CIAO3: variants seen among roughly 807,000 people sequenced by gnomAD.
CIAO3 encodes the protein LET1 like/JFP15.
In CIAO3, 45 loss-of-function variants were observed where a neutral mutation model predicts 51.5. That is an observed-to-expected ratio of 0.87 (90% CI 0.69 to 1.12). The LOEUF is 1.12. CIAO3 is among the 50% of genes most tolerant of loss of function. The probability of loss-of-function intolerance (pLI) is 0.00; values close to 1 mark genes in which losing one functional copy is unlikely to be tolerated. For synonymous variants in CIAO3, 314 were observed against 269.3 expected (o/e 1.17, Z -1.63); for missense variants, 668 against 632.5 (o/e 1.06, Z -0.60).
rs577357824 is a variant in CIAO3, at chr16:736,151, C to T, written c.439+115G>A. On this transcript the variant is annotated intron_variant, in intron 4 of 10. Transcript: ENST00000251588. ...CACAGAGGGAATAAAGTTTCTGTAG[C>T]GCTGAAGTTCAGGGCTGGGTAGCGT... The T allele has an allele frequency of 2.3e-5, 31 of 1,337,942 alleles. No individual in the cohort carries two copies. The Admixed American group carries it at 2.9e-4, about 12-fold the overall frequency. 82.9% of individuals were successfully genotyped at this position (1,337,942 alleles called of 1,614,324 possible). A position where few individuals can be genotyped will look rare whatever the true frequency, so the allele number is the denominator to read the frequency against.
chr16:737,262 C>G lies in CIAO3; in HGVS notation c.230G>C (p.Cys77Ser). ...SLNDCLACSG[C>S]ITSAETVLIT... ...AAGCACGGTCTCTGCGGAGGTGATG[C>G]AGCCGCTGCACGCCAGGCAGTCGTT... Residue 77 changes from cysteine (C) to serine (S), a missense_variant, in exon 3 of 11, where the codon TGC becomes TCC. Cys to Ser is a moderately radical substitution (Grantham distance 112, BLOSUM62 -1). Transcript: ENST00000251588. The surrounding 1 kb of genome is among the most constrained non-coding windows in gnomAD (Gnocchi z 5.3). 6.2e-7 allele frequency: 1 copy of G among 1,613,516 alleles called. No individual in the cohort carries two copies. The highest frequency in any genetic ancestry group is 8.5e-7 in the Non-Finnish European group (1 of 1,180,022).
At chr16:732,744 C>G (rs1022730540) in intron 7 of CIAO3, 1 of 355,192 alleles carries the variant, frequency 2.8e-6, no homozygotes, top group Non-Finnish European at 5.5e-6. Flanking sequence ...TCAAGTGACT[C>G]TCCTGCCTCA....
chr16:736,368 C>T lies in CIAO3; in HGVS notation c.337G>A (p.Val113Ile). The T allele has an allele frequency of 6.2e-7, 1 of 1,613,030 alleles. No homozygotes were observed. The highest frequency in any genetic ancestry group is 8.5e-7 in the Non-Finnish European group (1 of 1,179,820). The change falls in exon 4 of 11, where the codon GTA (valine) becomes ATA (isoleucine). Residue 113 changes from valine (V) to isoleucine (I), a missense_variant. Val to Ile is a conservative substitution (Grantham distance 29). Transcript: ENST00000251588. ...CTAGACTGTGGTGAGACCGAAACTA[C>T]AACCAGCCTCTGCTGACTGGGTGCC... is the stretch of plus-strand genomic sequence containing the variant. ...MAAPSQQRLV[V>I]VSVSPQSRAS...
chr16:734,387 CG>C, intron 5 of CIAO3, 40 bp from the exon 6 acceptor site: 1 of 1,434,930 alleles, frequency 7.0e-7, no homozygotes, highest in Non-Finnish European at 9.6e-7. Context: ...CGGGGGCGCA[CG>C]GCGGCCCCCG....
Position 737,203 on chromosome 16 carries a change from C to A in CIAO3, c.289G>T (p.Val97Phe), listed in dbSNP as rs772743679. 43 of 1,613,656 alleles carry A rather than the reference C, an allele frequency of 2.7e-5. No homozygotes were observed. The highest frequency in any genetic ancestry group is 2.5e-6 in the Non-Finnish European group (3 of 1,180,022). ...TQQSHEELKK[V>F]LDANKMAAPS... ...CTGCTTACCTTGTTAGCATCTAGAA[C>A]CTTCTTCAGCTCCTCGTGGCTCTGC... Residue 97 changes from valine (V) to phenylalanine (F), a missense_variant, in exon 3 of 11, where the codon GTT (valine) becomes TTT (phenylalanine). Physicochemically the swap from Val to Phe is conservative, Grantham distance 50. Coordinates refer to ENST00000251588, the MANE Select transcript of CIAO3 (RefSeq NM_022493.3). This position sits in a 1 kb window ranked among gnomAD's most constrained non-coding sequence, Gnocchi z 5.3.
chr16:738,096 T>C (rs955848847), intron 2 of CIAO3: 1 of 1,032,836 alleles, frequency 9.7e-7, no homozygotes, highest in Non-Finnish European at 1.2e-6. Context: ...TATTCCTACG[T>C]TGGTTCTGCC....
chr16:737,136 T>C lies in CIAO3; in HGVS notation c.306+50A>G. On this transcript the variant is annotated intron_variant, in intron 3 of 10. Coordinates refer to ENST00000251588, the MANE Select transcript of CIAO3 (RefSeq NM_022493.3). The surrounding 1 kb of genome is among the most constrained non-coding windows in gnomAD (Gnocchi z 5.3). ...CTTGGCAAAACGCGTTGTCGGCTGC[T>C]GGGATGGATTTCAGGTTAAAGCAGA... The C allele has an allele frequency of 6.2e-7, 1 of 1,605,006 alleles. No homozygotes were observed. Among genetic ancestry groups the C allele is most frequent in the Non-Finnish European group, 8.5e-7 (1 of 1,172,958 alleles).
chr16:731,393 C>G lies in CIAO3; in HGVS notation c.1034+172G>C, dbSNP rs559573352. 9.5e-6 allele frequency: 9 copies of G among 947,654 alleles called. No individual in the cohort carries two copies. The East Asian group carries it at 2.3e-4, about 24-fold the overall frequency. The allele number at this position is 947,654 out of a possible 1,614,324, so 58.7% of individuals were successfully genotyped here. Reference sequence around the variant, plus strand: ...GGCCTGGAGTGCTTAGGTGCCTTCACACCCTGAGCCCGCCAGGAGGGCCCT... The same window carrying G: ...GGCCTGGAGTGCTTAGGTGCCTTCAGACCCTGAGCCCGCCAGGAGGGCCCT... On this transcript the variant is annotated intron_variant, in intron 9 of 10. Transcript: ENST00000251588.
At chr16:740,097 C>G in intron 1 of CIAO3, 1 of 1,326,284 alleles carries the variant, frequency 7.5e-7, no homozygotes, top group South Asian at 1.2e-5. Flanking sequence ...AGGACGTGTG[C>G]TTGGATCTGT....
intron 1 of CIAO3, chr16:740,377 G>T: frequency 6.1e-6 from 2 of 328,642 alleles, no homozygotes; most frequent in South Asian, 4.9e-5. Context: ...CTCTACTGAG[G>T]AGCCACTGCG....
chr16:733,153 G>A, intron 7 of CIAO3, 145 bp downstream of exon 7: 6 of 1,065,758 alleles, frequency 5.6e-6, no homozygotes, highest in Non-Finnish European at 7.9e-6. Context: ...CAAGGGGAGA[G>A]ACGAAGGTAC....
chr16:731,245 G>C, intron 9 of CIAO3: 1 of 629,212 alleles, frequency 1.6e-6, no homozygotes, highest in Non-Finnish European at 2.7e-6. Context: ...CCCCAGGGAT[G>C]TCTGTGAGGC....
At chr16:739,883 G>T in intron 1 of CIAO3, 145 bp from the exon 2 acceptor site, 1 of 1,197,970 alleles carries the variant, frequency 8.3e-7, no homozygotes, top group Non-Finnish European at 1.2e-6. Flanking sequence ...TGGTCCCACC[G>T]TCTTCTTCCT....
In CIAO3 at chr16:734,802, A is replaced by C; in HGVS notation, c.509T>G (p.Val170Gly). 4 of 1,606,532 alleles carry C rather than the reference A, an allele frequency of 2.5e-6. No homozygotes were observed. The highest frequency in any genetic ancestry group is 3.4e-6 in the Non-Finnish European group (4 of 1,175,124). Residue 170 changes from valine to glycine, a missense_variant, in exon 5 of 11, where the codon GTG becomes GGG. By Grantham distance (109) the Val-to-Gly change is moderately radical. Transcript: ENST00000251588. ...FSLLESQREF[V>G]RRFRGQADCR... ...GTCGGCCTGTCCTCGGAATCGCCGC[A>C]CAAACTCTCGCTGGCTCTCCAGGAG...
Position 730,307 on chromosome 16 carries a change from C to G in CIAO3, c.*110G>C. The G allele has an allele frequency of 5.2e-6, 6 of 1,145,666 alleles. No individual in the cohort carries two copies. Among genetic ancestry groups the G allele is most frequent in the Admixed American group, 1.9e-5 (1 of 53,336 alleles). 71.0% of individuals were successfully genotyped at this position (1,145,666 alleles called of 1,614,324 possible). On this transcript the variant is annotated 3_prime_UTR_variant, in exon 11 of 11. Coordinates refer to ENST00000251588, the MANE Select transcript of CIAO3 (RefSeq NM_022493.3). ...GTCCTAGCTCCTACTCGGGTCCCAG[C>G]ACACCCTGCAGCTCACTCAGAATTT...
At chr16:738,193 C>T (rs908086319) in intron 2 of CIAO3, 6 of 996,166 alleles carry the variant, frequency 6.0e-6, no homozygotes, top group Admixed American at 5.3e-5. Flanking sequence ...CCGACAGCCA[C>T]GCCTACCAGC....
At chr16:732,439 C>G (rs761829957) in intron 7 of CIAO3, 66 bp from the exon 8 acceptor site, 11 of 1,559,778 alleles carry the variant, frequency 7.1e-6, no homozygotes, top group East Asian at 2.3e-5. Context: ...AGAGAACATC[C>G]AAGCCACCTG....
chr16:737,428 GCT>G lies in CIAO3; in HGVS notation c.163-101_163-100del. 6.3e-7 allele frequency: 1 copy of G among 1,586,758 alleles called. No individual in the cohort carries two copies. Among genetic ancestry groups the G allele is most frequent in the South Asian group, 1.1e-5 (1 of 89,076 alleles). ...CAGCTCATAACCGACAACCAACATG[GCT>G]GCTGGCTGGGCTTGTGTGCCGCTGA... On this transcript the variant is annotated intron_variant, in intron 2 of 10. Coordinates refer to ENST00000251588, the MANE Select transcript of CIAO3 (RefSeq NM_022493.3). This position sits in a 1 kb window ranked among gnomAD's most constrained non-coding sequence, Gnocchi z 5.3.
Position 733,355 on chromosome 16 carries a change from G to A in CIAO3, c.766C>T (p.Pro256Ser). 6.2e-7 allele frequency: 1 copy of A among 1,613,870 alleles called. No individual in the cohort carries two copies. The highest frequency in any genetic ancestry group is 8.5e-7 in the Non-Finnish European group (1 of 1,180,000). ...CYDKKLEASR[P>S]DFFNQEHQTR... Reference sequence around the variant, plus strand: ...TGGTGCTCCTGGTTGAAAAAGTCGGGTCTGGAGGCTTCCAGCTTTTTGTCA... The same window carrying A: ...TGGTGCTCCTGGTTGAAAAAGTCGGATCTGGAGGCTTCCAGCTTTTTGTCA... The change falls in exon 7 of 11, where the codon CCC (proline) becomes TCC (serine). Residue 256 changes from proline to serine, a missense_variant. Pro to Ser is a moderately conservative substitution (Grantham distance 74). Coordinates refer to ENST00000251588, the MANE Select transcript of CIAO3 (RefSeq NM_022493.3).
Sources: gnomAD v4.1 joint callset for allele counts on GRCh38, gnomAD v4.1.1 for gene constraint, Gnocchi (gnomAD v3.1) non-coding constraint, MANE v1.5 for transcripts, NCBI Gene and HGNC (gene_info 2026-07-23, HGNC 2026-07-21) for gene names.